LYPLA1: variants seen among roughly 807,000 people sequenced by gnomAD.
LYPLA1 encodes the protein acyl-protein thioesterase 1.
LYPLA1 carries 17 observed loss-of-function variants against 34.0 expected under a neutral mutation model. The ratio of observed to expected loss-of-function variants is 0.50; its 90% CI spans 0.34 to 0.75. LYPLA1 has a LOEUF of 0.75. Ranked by LOEUF, LYPLA1 falls within the 30% of genes least tolerant of loss-of-function variation. The probability of loss-of-function intolerance (pLI) is 0.01; values close to 1 mark genes in which losing one functional copy is unlikely to be tolerated. For synonymous variants in LYPLA1, 98 were observed against 100.8 expected, an observed-to-expected ratio of 0.97 and a Z score of 0.17; for missense variants, 203 against 288.8, an observed-to-expected ratio of 0.70 and a Z score of 2.15.
rs1235444336 is a variant in LYPLA1, at chr8:54,046,379, C to T, written c.*1686G>A. On this transcript the variant is annotated 3_prime_UTR_variant, in exon 9 of 9. Coordinates refer to ENST00000316963, the MANE Select transcript of LYPLA1 (RefSeq NM_006330.4). ...AAAATACTCAAAGTCACAGAAAAGTCAGAATTAAATTTTATTTCACATTGA... is the reference window on the plus strand; with the variant it reads ...AAAATACTCAAAGTCACAGAAAAGTTAGAATTAAATTTTATTTCACATTGA... The T allele has an allele frequency of 6.6e-6, 1 of 152,556 alleles. No individual in the cohort carries two copies. Among genetic ancestry groups the T allele is most frequent in the Non-Finnish European group, 1.5e-5 (1 of 68,022 alleles). The allele number at this position is 152,556 out of a possible 1,614,324, so 9.5% of individuals were successfully genotyped here.
chr8:54,055,270 C>T (rs1806128015), intron 5 of LYPLA1, 137 bp from the exon 6 acceptor site: 1 of 573,094 alleles, frequency 1.7e-6, no homozygotes, highest in East Asian at 3.0e-5. Flanking sequence ...CAAAGCACTT[C>T]ATTAAAATAC....
intron 3 of LYPLA1, among the ~76,000 whole-genome samples, chr8:54,064,396 A>C (rs867325407): frequency 6.7e-4 from 102 of 152,294 alleles, no homozygotes; most frequent in African/African-American, 2.3e-3. Context: ...CATCTTGGGC[A>C]ACAGAGAGAG....
At position 54,046,979 on chromosome 8, in the gene LYPLA1, G is replaced by C. The variant is rs1227352867; in HGVS notation, c.*1086C>G. 2 of 152,098 alleles carry C rather than the reference G, an allele frequency of 1.3e-5. No individual in the cohort carries two copies. Among genetic ancestry groups the C allele is most frequent in the Non-Finnish European group, 2.9e-5 (2 of 67,976 alleles). The allele number at this position is 152,098 out of a possible 1,614,324, so 9.4% of individuals were successfully genotyped here. A position where few individuals can be genotyped will look rare whatever the true frequency, so the allele number is the denominator to read the frequency against. On this transcript the variant is annotated 3_prime_UTR_variant, in exon 9 of 9. Coordinates refer to ENST00000316963, the MANE Select transcript of LYPLA1 (RefSeq NM_006330.4). ...GAAAATAAAGCAAAAAATTACAATA[G>C]ATTCCTCATCTTCTACAGTAGTTGG...
At chr8:54,054,939 G>A in intron 6 of LYPLA1, 121 bp downstream of exon 6, 1 of 644,820 alleles carries the variant, frequency 1.6e-6, no homozygotes, top group East Asian at 2.9e-5. Flanking sequence ...AACATCAAAG[G>A]TAAGTGTATC....
intron 2 of LYPLA1, among the ~76,000 whole-genome samples, chr8:54,070,582 G>C (rs1469611067): frequency 6.6e-6 from 1 of 152,020 alleles, no homozygotes; most frequent in Non-Finnish European, 1.5e-5. Context: ...AATTAGCCAG[G>C]CTTGATGGCG....
At chr8:54,052,062 G>C (rs1645928136) in intron 7 of LYPLA1, among the ~76,000 whole-genome samples, 1 of 151,168 alleles carries the variant, frequency 6.6e-6, no homozygotes, top group Non-Finnish European at 1.5e-5. Context: ...TGTTGGCCAG[G>C]CTGGTCTTGA....
intron 7 of LYPLA1, 40 bp downstream of exon 7, chr8:54,052,615 T>A (rs1173036050): frequency 7.9e-7 from 1 of 1,262,050 alleles, no homozygotes; most frequent in East Asian, 2.3e-5. Context: ...TAGCTACCTT[T>A]AGCTCAGTAA....
chr8:54,096,872 C>T (rs1027743157), intron 2 of LYPLA1, among the ~76,000 whole-genome samples: 3 of 152,098 alleles, frequency 2.0e-5, no homozygotes, highest in African/African-American at 7.2e-5. Flanking sequence ...TGCACCACTG[C>T]ACTCCAGCCT....
chr8:54,062,759 G>A (rs1806752290), intron 4 of LYPLA1, among the ~76,000 whole-genome samples: 1 of 152,126 alleles, frequency 6.6e-6, no homozygotes, highest in Non-Finnish European at 1.5e-5. Flanking sequence ...TGATCAGCCT[G>A]CCTCTGCCTC....
chr8:54,078,654 G>A (rs540723650), intron 2 of LYPLA1, among the ~76,000 whole-genome samples: 26 of 152,284 alleles, frequency 1.7e-4, no homozygotes, highest in African/African-American at 6.3e-4. Flanking sequence ...TGCTGATCTA[G>A]ACTTGTGACT....
chr8:54,065,192 T>C (rs1479684999), intron 3 of LYPLA1, among the ~76,000 whole-genome samples: 1 of 152,132 alleles, frequency 6.6e-6, no homozygotes, highest in Non-Finnish European at 1.5e-5. Context: ...TTATAGATAT[T>C]TGTATATCTA....
At chr8:54,089,935 T>TTGTAAATACAAAATTGCATGCAGGATTG (rs1809096335) in intron 2 of LYPLA1, among the ~76,000 whole-genome samples, 12 of 152,204 alleles carry the variant, frequency 7.9e-5, no homozygotes, top group Admixed American at 7.9e-4. Flanking sequence ...CTCCTGATTA[T>TTGTAAATACAAAATTGCATGCAGGATTG]TGTAAATACA....
At chr8:54,099,261 A>G (rs559905253) in intron 2 of LYPLA1, among the ~76,000 whole-genome samples, 1 of 152,154 alleles carries the variant, frequency 6.6e-6, no homozygotes, top group Non-Finnish European at 1.5e-5. Context: ...CTGCTATTCG[A>G]GTTTCATTTG....
Position 54,052,726 on chromosome 8 carries a change from T to C in LYPLA1, c.391A>G (p.Thr131Ala), listed in dbSNP as rs1008931429. 14 of 1,613,560 alleles carry C rather than the reference T, an allele frequency of 8.7e-6. No homozygotes were observed. Among genetic ancestry groups the C allele is most frequent in the Non-Finnish European group, 1.2e-5 (14 of 1,179,726 alleles). Residue 131 changes from threonine to alanine, a missense_variant, in exon 7 of 9, where the codon ACC (threonine) becomes GCC (alanine). Transcript: ENST00000316963. ...ACACCTGCCAGTTTCTGCTGTGTGGTAAGGGCAGTATATAAAGATAAAGCT... is the reference window on the plus strand; with the variant it reads ...ACACCTGCCAGTTTCTGCTGTGTGGCAAGGGCAGTATATAAAGATAAAGCT... Reference protein sequence around the residue: ...GGALSLYTALTTQQKLAGVTA... With the variant: ...GGALSLYTALATQQKLAGVTA...
chr8:54,062,161 A>G (rs912234560), intron 5 of LYPLA1, 93 bp downstream of exon 5: 1 of 917,692 alleles, frequency 1.1e-6, no homozygotes. Context: ...CCCGGCCCAA[A>G]TGTGTAATTT....
intron 2 of LYPLA1, among the ~76,000 whole-genome samples, chr8:54,072,481 G>A (rs1807550622): frequency 6.6e-6 from 1 of 152,092 alleles, no homozygotes; most frequent in African/African-American, 2.4e-5. Context: ...TATGCAAACT[G>A]CGCACCCAAC....
downstream of LYPLA1, chr8:54,046,265 C>T (rs1166099168): frequency 2.0e-5 from 3 of 152,142 alleles, no homozygotes; most frequent in African/African-American, 2.4e-5. Flanking sequence ...CAAAATTTCT[C>T]TCTCTGAATA....
rs559108538 is a variant in LYPLA1 at position 54,085,384 on chromosome 8, T to C, written c.101+15524A>G. 1.7e-3 allele frequency among the ~76,000 whole-genome samples: 256 copies of C among 152,326 alleles called. 2 individuals carry two copies. The highest frequency in any genetic ancestry group is 5.5e-3 in the African/African-American group (229 of 41,576). ...GCCTTGGCCTCCCAAAGTGCCGAGATTGCAGCCTCTGCACGGCCGCCACCC... is the reference window on the plus strand; with the variant it reads ...GCCTTGGCCTCCCAAAGTGCCGAGACTGCAGCCTCTGCACGGCCGCCACCC... On this transcript the variant is annotated intron_variant, in intron 2 of 8. Transcript: ENST00000316963.
In LYPLA1 at chr8:54,101,604, C is replaced by T. The variant is rs1415926006; in HGVS notation, c.69+151G>A. 4 of 1,149,384 alleles carry T rather than the reference C, an allele frequency of 3.5e-6. No individual in the cohort carries two copies. The African/African-American group carries it at 4.9e-5, about 14-fold the overall frequency. The allele number at this position is 1,149,384 out of a possible 1,614,324, so 71.2% of individuals were successfully genotyped here. On this transcript the variant is annotated intron_variant, in intron 1 of 8. Coordinates refer to ENST00000316963, the MANE Select transcript of LYPLA1 (RefSeq NM_006330.4). ...CGGCTGCCCCCGCCCCCCGCGGACC[C>T]GGCCGCGCGGACCATTCGCACCCCA...
Sources: gnomAD v4.1 joint callset for allele counts (sites outside exome capture counted in the v4.1 genomes callset) on GRCh38, gnomAD v4.1.1 for gene constraint, MANE v1.5 for transcripts, NCBI Gene and HGNC (gene_info 2026-07-23, HGNC 2026-07-21) for gene names.